Variants in EIF2A observed in about 807,000 individuals in gnomAD.
The protein encoded by EIF2A is 65 kDa eukaryotic translation initiation factor 2A.
EIF2A carries 62 observed loss-of-function variants against 75.2 expected under a neutral mutation model. The observed-to-expected ratio is 0.82, with a 90% CI of 0.67 to 1.02. The LOEUF is 1.02. EIF2A is among the 50% of genes least tolerant of loss of function. EIF2A has a pLI of 0.00. For synonymous variants in EIF2A, 207 were observed against 239.0 expected (o/e 0.87, Z 1.23); for missense variants, 611 against 677.7 (o/e 0.90, Z 1.09).
At chr3:150,567,667 CTGATT>C in intron 6 of EIF2A, 21 bp from the exon 7 acceptor site, 1 of 1,445,256 alleles carries the variant, frequency 6.9e-7, no homozygotes, top group Non-Finnish European at 9.4e-7. Context: ...TCTCATCAAT[CTGATT>C]TAATTTACTC....
chr3:150,563,694 T>C (rs1463307244), intron 5 of EIF2A, 80 bp downstream of exon 5: 41 of 1,101,602 alleles, frequency 3.7e-5, no homozygotes, highest in Non-Finnish European at 4.9e-5. Flanking sequence ...TTTCCTGATA[T>C]TGATTTAAAA....
In EIF2A at chr3:150,550,825, C is replaced by T. The variant is rs1723279272; in HGVS notation, c.29-1531C>T. ...GGGACTACAGGCATGTGCCACCGTG[C>T]CCAGCTAATTTTTGTAGAGACAGCA... On this transcript the variant is annotated intron_variant, in intron 1 of 13. Transcript: ENST00000460851. Among the ~76,000 whole-genome samples, 4 of 152,290 alleles carry T rather than the reference C, an allele frequency of 2.6e-5. No individual in the cohort carries two copies. In the South Asian group the frequency reaches 8.3e-4, roughly 32 times the overall value.
Position 150,572,009 on chromosome 3 carries a change from T to A in EIF2A, c.863T>A (p.Phe288Tyr). The A allele has an allele frequency of 1.2e-6, 2 of 1,613,858 alleles. No homozygotes were observed. The highest frequency in any genetic ancestry group is 4.5e-5 in the East Asian group (2 of 44,882). ...DVVWNSSSTE[F>Y]CAVYGFMPAK... ...GTTTGGAATTCTAGTTCTACTGAGT[T>A]TTGTGCTGTATATGGTTTTATGCCT... The change falls in exon 10 of 14, where the codon TTT becomes TAT. Residue 288 changes from phenylalanine to tyrosine, a missense_variant. By Grantham distance (22) the Phe-to-Tyr change is conservative. Coordinates refer to ENST00000460851, the MANE Select transcript of EIF2A (RefSeq NM_032025.5).
intron 2 of EIF2A, among the ~76,000 whole-genome samples, chr3:150,553,036 G>C (rs1017408629): frequency 3.3e-5 from 5 of 152,210 alleles, no homozygotes; most frequent in South Asian, 4.1e-4. Context: ...TAAATTAAAA[G>C]CTGGGCCCGG....
intron 6 of EIF2A, 105 bp from the exon 7 acceptor site, chr3:150,567,588 T>G (rs762794602): frequency 2.3e-5 from 18 of 770,620 alleles, no homozygotes; most frequent in Non-Finnish European, 3.3e-5. Context: ...CTACAGTGAG[T>G]AGTATTGGTG....
At chr3:150,576,470 C>G (rs138438705) in intron 11 of EIF2A, among the ~76,000 whole-genome samples, 4 of 152,182 alleles carry the variant, frequency 2.6e-5, no homozygotes, top group African/African-American at 4.8e-5. Flanking sequence ...TTGGCTCTTA[C>G]GTTATAAAAT....
At chr3:150,567,507 T>C in intron 6 of EIF2A, 186 bp from the exon 7 acceptor site, 1 of 506,314 alleles carries the variant, frequency 2.0e-6, no homozygotes, top group South Asian at 3.2e-5. Context: ...GAGTAGAAAT[T>C]GAAGCCTACA....
Position 150,572,223 on chromosome 3 carries a change from T to G in EIF2A, c.1077T>G (p.Asp359Glu). The change falls in exon 10 of 14, where the codon GAT becomes GAG. Residue 359 changes from aspartate (D) to glutamate (E), a missense_variant. Coordinates refer to ENST00000460851, the MANE Select transcript of EIF2A (RefSeq NM_032025.5). Reference protein sequence around the residue: ...YKLISKPVASDSTYFAWCPDG... With the variant: ...YKLISKPVASESTYFAWCPDG... The stretch of plus-strand genomic sequence containing the variant: ...TTATTTCTAAACCGGTGGCTTCTGA[T>G]TCTACATATTTTGCTTGGTGCCCGG... The G allele has an allele frequency of 1.2e-6, 2 of 1,613,954 alleles. No individual in the cohort carries two copies. The highest frequency in any genetic ancestry group is 3.3e-5 in the Admixed American group (2 of 60,014).
At chr3:150,563,694 T>A in intron 5 of EIF2A, 80 bp downstream of exon 5, 2 of 1,101,720 alleles carry the variant, frequency 1.8e-6, no homozygotes, top group Non-Finnish European at 1.2e-6. Context: ...TTTCCTGATA[T>A]TGATTTAAAA....
At position 150,572,117 on chromosome 3, in the gene EIF2A, C is replaced by T; in HGVS notation, c.971C>T (p.Pro324Leu). The T allele has an allele frequency of 6.2e-7, 1 of 1,613,894 alleles. No homozygotes were observed. The highest frequency in any genetic ancestry group is 8.5e-7 in the Non-Finnish European group (1 of 1,179,872). ...TGPRNAAYYS[P>L]HGHILVLAGF... The stretch of plus-strand genomic sequence containing the variant: ...CCTCGTAATGCAGCCTACTATAGCC[C>T]TCATGGACATATATTAGTATTAGCT... Residue 324 changes from proline to leucine, a missense_variant, in exon 10 of 14, where the codon CCT becomes CTT. Physicochemically the swap from Pro to Leu is moderately conservative, Grantham distance 98 (BLOSUM62 -3). Coordinates refer to ENST00000460851, the MANE Select transcript of EIF2A (RefSeq NM_032025.5).
At chr3:150,561,348 T>G (rs1576592808) in intron 3 of EIF2A, among the ~76,000 whole-genome samples, 1 of 152,102 alleles carries the variant, frequency 6.6e-6, no homozygotes, top group South Asian at 2.1e-4. Context: ...AAGGCCAGGG[T>G]GGGTGGATCA....
chr3:150,582,398 T>C lies in EIF2A; in HGVS notation c.1626+652T>C, dbSNP rs553543216. On this transcript the variant is annotated intron_variant, in intron 12 of 13. Coordinates refer to ENST00000460851, the MANE Select transcript of EIF2A (RefSeq NM_032025.5). ...GGCGCGATCTCGGCTCACTGCAAGC[T>C]CCGCCTCCCGGGTTCAGGCCATTCT... Among the ~76,000 whole-genome samples the C allele has an allele frequency of 3.3e-5, 5 of 151,190 alleles. No homozygotes were observed. The East Asian group carries it at 9.8e-4, about 29-fold the overall frequency.
intron 6 of EIF2A, chr3:150,567,278 A>G: frequency 6.4e-6 from 1 of 155,990 alleles, no homozygotes; most frequent in Non-Finnish European, 1.4e-5. Flanking sequence ...ACATTAAGTT[A>G]CAGAATTTCC....
intron 12 of EIF2A, among the ~76,000 whole-genome samples, chr3:150,582,584 G>C (rs974684492): frequency 1.3e-5 from 2 of 152,130 alleles, no homozygotes; most frequent in African/African-American, 4.8e-5. Flanking sequence ...AAAGTGCTGG[G>C]ATTACAGGTG....
At chr3:150,561,297 G>C (rs1237758341) in intron 3 of EIF2A, among the ~76,000 whole-genome samples, 6 of 152,140 alleles carry the variant, frequency 3.9e-5, no homozygotes, top group Non-Finnish European at 7.3e-5. Flanking sequence ...ACTTTTGCGG[G>C]CCGGACACGG....
At chr3:150,554,637 A>AC (rs995614797) in intron 2 of EIF2A, among the ~76,000 whole-genome samples, 1 of 152,234 alleles carries the variant, frequency 6.6e-6, no homozygotes, top group East Asian at 1.9e-4. Context: ...AAATCTGGGG[A>AC]CCCCCCTTTA....
intron 10 of EIF2A, 96 bp from the exon 11 acceptor site, chr3:150,575,548 GATAAA>G: frequency 1.1e-6 from 1 of 881,168 alleles, no homozygotes; most frequent in South Asian, 1.9e-5. Flanking sequence ...TCTTAAATTT[GATAAA>G]ATAAGTTTAT....
At chr3:150,551,683 AT>A (rs1179300628) in intron 1 of EIF2A, among the ~76,000 whole-genome samples, 2 of 152,148 alleles carry the variant, frequency 1.3e-5, no homozygotes, top group African/African-American at 4.8e-5. Flanking sequence ...AGCCTTGATC[AT>A]GCCACTGTAC....
At chr3:150,582,949 A>G (rs1384313739) in intron 12 of EIF2A, among the ~76,000 whole-genome samples, 1 of 152,244 alleles carries the variant, frequency 6.6e-6, no homozygotes, top group Admixed American at 6.5e-5. Flanking sequence ...ATACATTTAT[A>G]TATACACATG....
Sources: allele counts gnomAD v4.1 joint callset (sites outside exome capture counted in the v4.1 genomes callset), GRCh38; gene constraint gnomAD v4.1.1; transcripts MANE v1.5; gene names NCBI Gene and HGNC (gene_info 2026-07-23, HGNC 2026-07-21).